CFAP91: variants seen among roughly 807,000 people sequenced by gnomAD.
The protein encoded by CFAP91 is cilia- and flagella-associated protein 91.
A neutral mutation model predicts 95.9 loss-of-function variants in CFAP91; 85 were observed. The ratio of observed to expected loss-of-function variants is 0.89; its 90% confidence interval spans 0.74 to 1.06. The LOEUF (loss-of-function observed/expected upper bound fraction) is 1.06. CFAP91 is among the 50% of genes least tolerant of loss of function. The pLI, the probability that CFAP91 is intolerant of heterozygous loss-of-function variation, is 0.00. For synonymous variants in CFAP91, 335 were observed against 327.5 expected (o/e 1.02, Z -0.25); for missense variants, 962 against 943.4 (o/e 1.02, Z -0.26).
In CFAP91 at chr3:119,733,386, T is replaced by G. The variant is rs1323396319; in HGVS notation, c.1224T>G (p.Cys408Trp). Reference sequence around the variant, plus strand: ...TAGGATTAGTGGAACTTGAGTCATGTCTCCCAGATTTTGTGACACAACCCC... The same window carrying G: ...TAGGATTAGTGGAACTTGAGTCATGGCTCCCAGATTTTGTGACACAACCCC... ...TYEGLVELES[C>W]LPDFVTQPQI... Residue 408 changes from cysteine (C) to tryptophan (W), a missense_variant, in exon 10 of 18, where the codon TGT (cysteine) becomes TGG (tryptophan). Coordinates refer to ENST00000273390, the MANE Select transcript of CFAP91 (RefSeq NM_033364.4). 2 of 1,613,908 alleles carry G rather than the reference T, an allele frequency of 1.2e-6. No homozygotes were observed. Among genetic ancestry groups the G allele is most frequent in the Non-Finnish European group, 1.7e-6 (2 of 1,179,972 alleles).
chr3:119,706,846 A>C lies in CFAP91; in HGVS notation c.162A>C (p.Thr54=). 6.2e-7 allele frequency: 1 copy of C among 1,613,370 alleles called. No individual in the cohort carries two copies. Among genetic ancestry groups the C allele is most frequent in the Non-Finnish European group, 8.5e-7 (1 of 1,179,852 alleles). Residue 54 remains threonine (T), a synonymous_variant, in exon 2 of 18, where the codon ACA becomes ACC. Coordinates refer to ENST00000273390, the MANE Select transcript of CFAP91 (RefSeq NM_033364.4). The part of the protein sequence containing the change: ...LFIVSSEKDH[T]QANIQATLIR... ...TTGTGTCAAGTGAGAAAGACCATAC[A>C]CAGGCAAATATCCAAGCTACCCTGA...
chr3:119,747,375 T>G, intron 15 of CFAP91, 112 bp downstream of exon 15: 1 of 1,226,902 alleles, frequency 8.2e-7, no homozygotes, highest in Non-Finnish European at 1.1e-6. Flanking sequence ...TAACTCATAC[T>G]TCAGCGTCCA....
chr3:119,752,941 C>G lies in CFAP91; in HGVS notation c.*1+1843C>G, dbSNP rs147026342. Among the ~76,000 whole-genome samples, 6 of 152,188 alleles carry G rather than the reference C, an allele frequency of 3.9e-5. No individual in the cohort carries two copies. The East Asian group carries it at 1.2e-3, about 29-fold the overall frequency. ...AAGCTAAGCTGTCCCCAAAGTATAT[C>G]CTCCCTCTTCCTTCTTGCAGAGGGA... On this transcript the variant is annotated intron_variant, in intron 17 of 17. Transcript: ENST00000273390.
intron 6 of CFAP91, among the ~76,000 whole-genome samples, chr3:119,724,684 A>G (rs908981871): frequency 2.6e-5 from 4 of 152,158 alleles, no homozygotes; most frequent in Admixed American, 2.6e-4. Flanking sequence ...GATCAGAATG[A>G]GGAAGCAGAG....
intron 17 of CFAP91, among the ~76,000 whole-genome samples, chr3:119,756,751 G>A (rs1577248310): frequency 6.6e-6 from 1 of 152,056 alleles, no homozygotes; most frequent in East Asian, 1.9e-4. Flanking sequence ...ACTCTGAAAG[G>A]ATAATAAAGA....
intron 13 of CFAP91, among the ~76,000 whole-genome samples, chr3:119,742,174 C>T (rs1263985912): frequency 1.3e-5 from 2 of 152,170 alleles, no homozygotes; most frequent in African/African-American, 4.8e-5. Flanking sequence ...TGAGTGAAAT[C>T]GTGTCCGCCT....
At chr3:119,709,984 A>G (rs1559746416) in intron 5 of CFAP91, 89 bp downstream of exon 5, 3 of 1,010,852 alleles carry the variant, frequency 3.0e-6, no homozygotes, top group South Asian at 2.8e-5. Flanking sequence ...CTAAATCACT[A>G]TTTTTCAAAT....
intron 17 of CFAP91, among the ~76,000 whole-genome samples, chr3:119,753,428 T>C (rs1406482921): frequency 6.6e-6 from 1 of 152,162 alleles, no homozygotes; most frequent in African/African-American, 2.4e-5. Flanking sequence ...ATCCCAGAAA[T>C]TGAACTTAAC....
rs370682621 is a variant in CFAP91, at chr3:119,708,774, C to T, written c.443+100C>T. Reference sequence around the variant, plus strand: ...ATCATTTTTCAGTGCATACAACGTGCCAGACTCTATTTTAAGTGCTTTACA... The same window carrying T: ...ATCATTTTTCAGTGCATACAACGTGTCAGACTCTATTTTAAGTGCTTTACA... On this transcript the variant is annotated intron_variant, in intron 4 of 17. Transcript: ENST00000273390. 22 of 702,244 alleles carry T rather than the reference C, an allele frequency of 3.1e-5. No individual in the cohort carries two copies. In the East Asian group the frequency reaches 4.7e-4, roughly 15 times the overall value. 43.5% of individuals were successfully genotyped at this position (702,244 alleles called of 1,614,324 possible).
chr3:119,732,158 G>A, intron 8 of CFAP91, 136 bp from the exon 9 acceptor site: 1 of 620,544 alleles, frequency 1.6e-6, no homozygotes, highest in Non-Finnish European at 2.7e-6. Flanking sequence ...GTTACATTCT[G>A]GCTGTCGTGA....
At chr3:119,707,163 A>G in intron 2 of CFAP91, 1 of 548,890 alleles carries the variant, frequency 1.8e-6, no homozygotes, top group Non-Finnish European at 3.2e-6. Context: ...AAGTAGTATA[A>G]AAGCATATAC....
At chr3:119,736,070 G>A (rs114556005) in intron 10 of CFAP91, among the ~76,000 whole-genome samples, 1,742 of 151,160 alleles carry the variant, frequency 0.012, 16 homozygotes, top group Non-Finnish European at 0.019. Flanking sequence ...AATGTAATTC[G>A]CACACAATAA....
rs2054239668 is a variant in CFAP91, at chr3:119,747,282, G to A, written c.2051+19G>A. The A allele has an allele frequency of 6.2e-7, 1 of 1,605,914 alleles. No individual in the cohort carries two copies. The highest frequency in any genetic ancestry group is 1.1e-5 in the South Asian group (1 of 89,204). On this transcript the variant is annotated intron_variant, in intron 15 of 17. Transcript: ENST00000273390. ...AAAGCCGGTGTGTATCAAGAGAACA[G>A]ATTGTAGAATGGACAGCCCATTTGC... is the stretch of plus-strand genomic sequence containing the variant.
intron 6 of CFAP91, among the ~76,000 whole-genome samples, chr3:119,721,339 T>G (rs2053680939): frequency 6.6e-6 from 1 of 152,236 alleles, no homozygotes; most frequent in African/African-American, 2.4e-5. Flanking sequence ...TTTAGAGACT[T>G]AATAAGGAAT....
At chr3:119,724,359 G>A (rs1559753933) in intron 6 of CFAP91, among the ~76,000 whole-genome samples, 1 of 152,010 alleles carries the variant, frequency 6.6e-6, no homozygotes, top group Non-Finnish European at 1.5e-5. Context: ...TAGTTAAAAG[G>A]TACATCGGCT....
In CFAP91 at chr3:119,730,362, C is replaced by A; in HGVS notation, c.1003C>A (p.Arg335Ser). Residue 335 changes from arginine (R) to serine (S), a missense_variant, in exon 8 of 18, where the codon CGC (arginine) becomes AGC (serine). Arg to Ser is a moderately radical substitution (Grantham distance 110). Transcript: ENST00000273390. ...GKEAKMAKIQ[R>S]THVSTIRKLV... ...AGAGGCAAAAATGGCAAAAATTCAG[C>A]GCACGCATGTATCAAGTAATGGTGT... is the stretch of plus-strand genomic sequence containing the variant. 6.2e-7 allele frequency: 1 copy of A among 1,613,828 alleles called. No individual in the cohort carries two copies. Among genetic ancestry groups the A allele is most frequent in the Non-Finnish European group, 8.5e-7 (1 of 1,179,886 alleles).
rs2054618480 is a variant in CFAP91 at position 119,765,883 on chromosome 3, T to C, written c.*833T>C. 6.6e-6 allele frequency: 1 copy of C among 152,318 alleles called. No individual in the cohort carries two copies. Among genetic ancestry groups the C allele is most frequent in the Admixed American group, 6.5e-5 (1 of 15,308 alleles). 9.4% of individuals were successfully genotyped at this position (152,318 alleles called of 1,614,324 possible). On this transcript the variant is annotated 3_prime_UTR_variant, in exon 18 of 18. Coordinates refer to ENST00000273390, the MANE Select transcript of CFAP91 (RefSeq NM_033364.4). ...ACAAAGCTTATGTTAGAGAATATCT[T>C]ACTGTAAGAAACAAGGAAAATTGCA...
Position 119,708,644 on chromosome 3 carries a change from C to A in CFAP91, c.413C>A (p.Thr138Asn). The A allele has an allele frequency of 1.2e-6, 2 of 1,604,518 alleles. No homozygotes were observed. Among genetic ancestry groups the A allele is most frequent in the Non-Finnish European group, 1.7e-6 (2 of 1,174,232 alleles). Residue 138 changes from threonine (T) to asparagine (N), a missense_variant, in exon 4 of 18, where the codon ACT (threonine) becomes AAT (asparagine). By Grantham distance (65) the Thr-to-Asn change is moderately conservative. Transcript: ENST00000273390. ...GAAGTTTATGAAGATCCTGAAGTTACTGGAAAGAATCGCTATAAATACTTT... is the reference window on the plus strand; with the variant it reads ...GAAGTTTATGAAGATCCTGAAGTTAATGGAAAGAATCGCTATAAATACTTT... ...PKEVYEDPEV[T>N]GKNRYKYFER...
rs1287079485 is a variant in CFAP91, at chr3:119,750,861, A to T, written c.2144-76A>T. 4.5e-6 allele frequency: 7 copies of T among 1,548,694 alleles called. No homozygotes were observed. In the Admixed American group the frequency reaches 6.8e-5, roughly 15 times the overall value. The stretch of plus-strand genomic sequence containing the variant: ...TTTAATTTGCAAAATTATTTCTATC[A>T]TGACTCTCTTGAAACATTTGGGAAT... On this transcript the variant is annotated intron_variant, in intron 16 of 17. Coordinates refer to ENST00000273390, the MANE Select transcript of CFAP91 (RefSeq NM_033364.4).
Sources: gnomAD v4.1 joint callset for allele counts (sites outside exome capture counted in the v4.1 genomes callset) on GRCh38, gnomAD v4.1.1 for gene constraint, MANE v1.5 for transcripts, NCBI Gene and HGNC (gene_info 2026-07-23, HGNC 2026-07-21) for gene names.